NOVA2: variants seen among roughly 807,000 people sequenced by gnomAD.
The protein encoded by NOVA2 is RNA-binding protein Nova-2.
A neutral mutation model predicts 22.5 loss-of-function variants in NOVA2; 9 were observed. The ratio of observed to expected loss-of-function variants is 0.40; its 90% confidence interval spans 0.24 to 0.70. NOVA2 has a LOEUF of 0.70. NOVA2 is among the 30% of genes least tolerant of loss of function. The pLI, the probability that NOVA2 is intolerant of heterozygous loss-of-function variation, is 0.38. For missense variants in NOVA2, 383 were observed against 682.8 expected (o/e 0.56, Z 4.89); for synonymous variants, 318 against 335.2 (o/e 0.95, Z 0.56).
chr19:45,957,697 C>A (rs1968025287), intron 2 of NOVA2, among the ~76,000 whole-genome samples: 1 of 151,864 alleles, frequency 6.6e-6, no homozygotes, highest in Non-Finnish European at 1.5e-5. Flanking sequence ...GAGGAAGACC[C>A]TGCCTCAATA....
rs555180163 is a variant in NOVA2, at chr19:45,950,082, G to A, written c.396+3698C>T. 7.9e-5 allele frequency among the ~76,000 whole-genome samples: 12 copies of A among 151,384 alleles called. No homozygotes were observed. In the East Asian group the frequency reaches 1.2e-3, roughly 15 times the overall value. On this transcript the variant is annotated intron_variant, in intron 3 of 3. Coordinates refer to ENST00000263257, the MANE Select transcript of NOVA2 (RefSeq NM_002516.4). Reference sequence around the variant, plus strand: ...AGTAACTGTGTGACCTTAGGCAAATGCCTTCACCTCTCTGTGCCTTACCTT... The same window carrying A: ...AGTAACTGTGTGACCTTAGGCAAATACCTTCACCTCTCTGTGCCTTACCTT...
intron 1 of NOVA2, among the ~76,000 whole-genome samples, chr19:45,971,896 G>C (rs189554324): frequency 1.3e-5 from 2 of 151,890 alleles, no homozygotes; most frequent in African/African-American, 4.8e-5. Flanking sequence ...TTCCCAGCTC[G>C]GCTTTTCTTC....
At chr19:45,953,392 T>A (rs1967955723) in intron 3 of NOVA2, among the ~76,000 whole-genome samples, 5 of 152,208 alleles carry the variant, frequency 3.3e-5, no homozygotes, top group Non-Finnish European at 7.3e-5. Context: ...CTCTTCTGGA[T>A]GTGGCTGAAC....
At position 45,934,384 on chromosome 19, in the gene NOVA2, G is replaced by A. The variant is rs1355269871; in HGVS notation, c.*5479C>T. 1 of 152,210 alleles carries A rather than the reference G, an allele frequency of 6.6e-6. No individual in the cohort carries two copies. The highest frequency in any genetic ancestry group is 1.5e-5 in the Non-Finnish European group (1 of 68,048). The allele number at this position is 152,210 out of a possible 1,614,324, so 9.4% of individuals were successfully genotyped here. A position where few individuals can be genotyped will look rare whatever the true frequency, so the allele number is the denominator to read the frequency against. The stretch of plus-strand genomic sequence containing the variant: ...TCACTGAGGCTCCTCAGGGAAATTG[G>A]AGGATGAATCCATTTCACAGAAGGG... On this transcript the variant is annotated 3_prime_UTR_variant, in exon 4 of 4. Transcript: ENST00000263257.
At chr19:45,959,451 G>C (rs2146421395) in intron 2 of NOVA2, among the ~76,000 whole-genome samples, 1 of 152,254 alleles carries the variant, frequency 6.6e-6, no homozygotes, top group South Asian at 2.1e-4. Flanking sequence ...GTGTGTCAAT[G>C]GGCTGGGAGG....
Position 45,940,591 on chromosome 19 carries a change from C to G in NOVA2, c.751G>C (p.Gly251Arg). The change falls in exon 4 of 4, where the codon GGC (glycine) becomes CGC (arginine). Residue 251 changes from glycine to arginine, a missense_variant. Gly to Arg is a moderately radical substitution (Grantham distance 125, BLOSUM62 -2). This residue lies in a region of NOVA2 where 349 missense variants were observed against 578.1 expected (regional missense o/e 0.60). Coordinates refer to ENST00000263257, the MANE Select transcript of NOVA2 (RefSeq NM_002516.4). ...GCCAGCCCGGCGGGGCCCAGCAGGC[C>G]GGAGGCGGCGGCGGCCGACGCTGCG... The part of the protein sequence containing the change: ...AAAASAAAAS[G>R]LLGPAGLAGV... The G allele has an allele frequency of 1.4e-6, 2 of 1,422,142 alleles. No homozygotes were observed. Among genetic ancestry groups the G allele is most frequent in the Non-Finnish European group, 1.8e-6 (2 of 1,098,926 alleles). 88.1% of individuals were successfully genotyped at this position (1,422,142 alleles called of 1,614,324 possible). A position where few individuals can be genotyped will look rare whatever the true frequency, so the allele number is the denominator to read the frequency against.
chr19:45,964,167 C>A (rs376102851), intron 1 of NOVA2, among the ~76,000 whole-genome samples: 2 of 127,912 alleles, frequency 1.6e-5, no homozygotes, highest in Non-Finnish European at 1.6e-5. Flanking sequence ...TTCTTTTTTT[C>A]TTTTTCTTTT....
chr19:45,958,161 G>T (rs1448365956), intron 2 of NOVA2, among the ~76,000 whole-genome samples: 3 of 151,178 alleles, frequency 2.0e-5, no homozygotes, highest in African/African-American at 4.9e-5. Context: ...CTGGGCTGAC[G>T]CAAGGGAGTC....
At chr19:45,942,110 T>C (rs557578678) in intron 3 of NOVA2, among the ~76,000 whole-genome samples, 1 of 152,324 alleles carries the variant, frequency 6.6e-6, no homozygotes, top group African/African-American at 2.4e-5. Flanking sequence ...TCCTGATCCA[T>C]TGTGCTCCCC....
intron 3 of NOVA2, among the ~76,000 whole-genome samples, chr19:45,951,926 A>G (rs992007641): frequency 2.0e-5 from 3 of 152,202 alleles, no homozygotes; most frequent in Non-Finnish European, 4.4e-5. Context: ...AAGTGCAATA[A>G]TTCGGTGGAT....
In NOVA2 at chr19:45,939,594, G is replaced by A; in HGVS notation, c.*269C>T. On this transcript the variant is annotated 3_prime_UTR_variant, in exon 4 of 4. Transcript: ENST00000263257. ...GATATCACACAGACCTGGGCCCTGGGACAGGAAGGGTCAGGCCCAGCCAAG... is the reference window on the plus strand; with the variant it reads ...GATATCACACAGACCTGGGCCCTGGAACAGGAAGGGTCAGGCCCAGCCAAG... The A allele has an allele frequency of 1.9e-6, 1 of 514,074 alleles. No individual in the cohort carries two copies. The highest frequency in any genetic ancestry group is 3.5e-6 in the Non-Finnish European group (1 of 288,400). 31.8% of individuals were successfully genotyped at this position (514,074 alleles called of 1,614,324 possible).
At position 45,940,288 on chromosome 19, in the gene NOVA2, C is replaced by T. The variant is rs1037167873; in HGVS notation, c.1054G>A (p.Ala352Thr). The change falls in exon 4 of 4, where the codon GCC (alanine) becomes ACC (threonine). Residue 352 changes from alanine to threonine, a missense_variant. Coordinates refer to ENST00000263257, the MANE Select transcript of NOVA2 (RefSeq NM_002516.4). Reference sequence around the variant, plus strand: ...GCGGCCAACGCAAAGGACCCCAGGGCTCCGGGAGGCGGGGGCGGCGGCGGG... The same window carrying T: ...GCGGCCAACGCAAAGGACCCCAGGGTTCCGGGAGGCGGGGGCGGCGGCGGG... Reference protein sequence around the residue: ...AAPPPPPPPGALGSFALAAAA... With the variant: ...AAPPPPPPPGTLGSFALAAAA... 2 of 1,120,272 alleles carry T rather than the reference C, an allele frequency of 1.8e-6. No homozygotes were observed. The highest frequency in any genetic ancestry group is 1.7e-5 in the African/African-American group (1 of 59,860). The allele number at this position is 1,120,272 out of a possible 1,614,324, so 69.4% of individuals were successfully genotyped here. A position where few individuals can be genotyped will look rare whatever the true frequency, so the allele number is the denominator to read the frequency against.
chr19:45,964,248 C>T (rs1177312883), intron 1 of NOVA2, among the ~76,000 whole-genome samples: 3 of 143,802 alleles, frequency 2.1e-5, no homozygotes, highest in East Asian at 2.0e-4. Flanking sequence ...GGCGCGATCT[C>T]GGCTCACTGC....
At chr19:45,972,332 C>A (rs1365624798) in intron 1 of NOVA2, among the ~76,000 whole-genome samples, 1 of 152,024 alleles carries the variant, frequency 6.6e-6, no homozygotes, top group Non-Finnish European at 1.5e-5. Flanking sequence ...CACACCCACA[C>A]CCTTTTCTTG....
intron 1 of NOVA2, among the ~76,000 whole-genome samples, chr19:45,968,596 ATG>A (rs1968195868): frequency 2.6e-5 from 4 of 151,936 alleles, no homozygotes; most frequent in African/African-American, 4.8e-5. Context: ...AATAATAATG[ATG>A]ATGATGATGA....
intron 2 of NOVA2, among the ~76,000 whole-genome samples, chr19:45,954,685 C>A (rs1266764549): frequency 2.0e-5 from 3 of 151,790 alleles, no homozygotes; most frequent in Non-Finnish European, 2.9e-5. Flanking sequence ...CCTGGAGATT[C>A]TCCAGATACT....
At chr19:45,960,400 G>A (rs996862664) in intron 2 of NOVA2, among the ~76,000 whole-genome samples, 1 of 151,004 alleles carries the variant, frequency 6.6e-6, no homozygotes, top group South Asian at 2.1e-4. Context: ...GATGAGGGGA[G>A]GGACAGGGAA....
chr19:45,947,683 A>C (rs1273541943), intron 3 of NOVA2, among the ~76,000 whole-genome samples: 3 of 152,044 alleles, frequency 2.0e-5, no homozygotes, highest in Non-Finnish European at 2.9e-5. Flanking sequence ...CATGTTAGCC[A>C]GGCTCGTTTT....
chr19:45,941,750 A>T (rs2267648), intron 3 of NOVA2, among the ~76,000 whole-genome samples: 17,236 of 151,228 alleles, frequency 0.11, 2,002 homozygotes, highest in East Asian at 0.31. Flanking sequence ...AATTTTTTTT[A>T]AAAAAATTGA....
Sources: gnomAD v4.1 joint callset for allele counts (sites outside exome capture counted in the v4.1 genomes callset) on GRCh38, gnomAD v4.1.1 for gene constraint, gnomAD v4.1.1 regional missense constraint, MANE v1.5 for transcripts, NCBI Gene and HGNC (gene_info 2026-07-23, HGNC 2026-07-21) for gene names.